The following TBC1D4 variants were observed in gnomAD, a reference collection of about 807,000 sequenced individuals.
TBC1D4 encodes TBC (Tre-2, BUB2, CDC16) domain-containing protein.
A neutral mutation model predicts 142.5 loss-of-function variants in TBC1D4; 121 were observed. The observed-to-expected ratio is 0.85, with a 90% CI of 0.73 to 0.99. The LOEUF is 0.99. TBC1D4 is among the 50% of genes least tolerant of loss of function. TBC1D4 has a pLI of 0.00. For synonymous variants in TBC1D4, 630 were observed against 628.2 expected (o/e 1.00, Z -0.04); for missense variants, 1,475 against 1,606.6 (o/e 0.92, Z 1.40).
chr13:75,328,689 AAC>A (rs1879482624), intron 8 of TBC1D4, among the ~76,000 whole-genome samples: 2 of 152,176 alleles, frequency 1.3e-5, no homozygotes, highest in South Asian at 4.1e-4. Flanking sequence ...AATGAGTGGA[AAC>A]ACCAGTCAGA....
chr13:75,458,572 A>G (rs1044429112), intron 1 of TBC1D4, among the ~76,000 whole-genome samples: 9 of 152,308 alleles, frequency 5.9e-5, no homozygotes, highest in Middle Eastern at 3.4e-3. Flanking sequence ...TCTTTTACCT[A>G]GTATTTCCCT....
intron 1 of TBC1D4, among the ~76,000 whole-genome samples, chr13:75,383,055 C>T (rs1883943855): frequency 6.6e-6 from 1 of 152,218 alleles, no homozygotes; most frequent in African/African-American, 2.4e-5. Flanking sequence ...AGCACAGAGG[C>T]TCACGCCCAT....
At chr13:75,321,361 T>G (rs1878762940) in intron 11 of TBC1D4, among the ~76,000 whole-genome samples, 1 of 152,066 alleles carries the variant, frequency 6.6e-6, no homozygotes, top group Admixed American at 6.6e-5. Flanking sequence ...CACCCTAAAG[T>G]ATTAAGAGTA....
Position 75,390,494 on chromosome 13 carries a change from A to T in TBC1D4, c.499-27887T>A, listed in dbSNP as rs144839273. ...GTGCTAATACTAATTTCTGACACTA[A>T]CAGACTGTTTCACTGACACCTTCAG... On this transcript the variant is annotated intron_variant, in intron 1 of 20. Transcript: ENST00000377636. Among the ~76,000 whole-genome samples the T allele has an allele frequency of 7.2e-5, 11 of 152,154 alleles. No individual in the cohort carries two copies. In the East Asian group the frequency reaches 1.9e-3, roughly 27 times the overall value.
chr13:75,283,576 T>A lies in TBC1D4; in HGVS notation c.*3216A>T, dbSNP rs1299217097. Among the ~76,000 whole-genome samples the A allele has an allele frequency of 1.3e-5, 2 of 152,196 alleles. No homozygotes were observed. Among genetic ancestry groups the A allele is most frequent in the African/African-American group, 2.4e-5 (1 of 41,460 alleles). On this transcript the variant is annotated 3_prime_UTR_variant, in exon 21 of 21. Transcript: ENST00000377636. Reference sequence around the variant, plus strand: ...CATATTTTATATAAAAACATTCATATCACATCCATCAGTAAATGTCCTTAA... The same window carrying A: ...CATATTTTATATAAAAACATTCATAACACATCCATCAGTAAATGTCCTTAA...
chr13:75,317,656 T>G (rs1012994073), intron 12 of TBC1D4, among the ~76,000 whole-genome samples: 18 of 152,368 alleles, frequency 1.2e-4, no homozygotes, highest in African/African-American at 4.1e-4. Flanking sequence ...ATAAAACTCC[T>G]TCCCAAGATA....
At chr13:75,351,919 A>C (rs530724318) in intron 4 of TBC1D4, among the ~76,000 whole-genome samples, 1 of 152,328 alleles carries the variant, frequency 6.6e-6, no homozygotes, top group African/African-American at 2.4e-5. Context: ...CATGTATTGA[A>C]GTGTTCTCCA....
intron 1 of TBC1D4, among the ~76,000 whole-genome samples, chr13:75,460,589 C>T (rs1291995492): frequency 6.6e-6 from 1 of 152,090 alleles, no homozygotes; most frequent in Non-Finnish European, 1.5e-5. Context: ...CGGTATGGAG[C>T]TTGAGCATTC....
chr13:75,472,122 A>G (rs4885296), intron 1 of TBC1D4, among the ~76,000 whole-genome samples: 15,306 of 99,324 alleles, frequency 0.15, 1,002 homozygotes, highest in Non-Finnish European at 0.22. Flanking sequence ...AAAAAAAAAA[A>G]AAAAGAAAAG....
Position 75,361,901 on chromosome 13 carries a change from A to T in TBC1D4, c.1080+125T>A, listed in dbSNP as rs1160934355. 3 of 1,181,802 alleles carry T rather than the reference A, an allele frequency of 2.5e-6. No homozygotes were observed. The Admixed American group carries it at 6.0e-5, about 24-fold the overall frequency. The allele number at this position is 1,181,802 out of a possible 1,614,324, so 73.2% of individuals were successfully genotyped here. ...CCTCCACCTGCCTTATCTGCTTTGA[A>T]GGGGAAAACAAATAAAAGTTAGATT... On this transcript the variant is annotated intron_variant, in intron 2 of 20. Coordinates refer to ENST00000377636, the MANE Select transcript of TBC1D4 (RefSeq NM_014832.5).
rs1400768070 is a variant in TBC1D4, at chr13:75,303,303, C to T, written c.2753-902G>A. On this transcript the variant is annotated intron_variant, in intron 15 of 20. Coordinates refer to ENST00000377636, the MANE Select transcript of TBC1D4 (RefSeq NM_014832.5). ...CTGCACTCCAGCCTGGGAGACACAG[C>T]GAGACTCTGTCTAAAAAAAAAAGAA... 9.9e-5 allele frequency among the ~76,000 whole-genome samples: 15 copies of T among 151,602 alleles called. No individual in the cohort carries two copies. In the East Asian group the frequency reaches 1.7e-3, roughly 18 times the overall value.
intron 1 of TBC1D4, among the ~76,000 whole-genome samples, chr13:75,457,898 G>A (rs370644404): frequency 3.3e-5 from 5 of 152,088 alleles, no homozygotes; most frequent in East Asian, 1.9e-4. Flanking sequence ...CCTGTTGCTC[G>A]CACAAACCCC....
At chr13:75,411,591 T>A (rs1031796279) in intron 1 of TBC1D4, among the ~76,000 whole-genome samples, 2 of 151,892 alleles carry the variant, frequency 1.3e-5, no homozygotes, top group Admixed American at 6.6e-5. Context: ...CGTGGTGTGA[T>A]CTCGGCTCAC....
rs1426438975 is a variant in TBC1D4 at position 75,362,363 on chromosome 13, G to A, written c.743C>T (p.Pro248Leu). The A allele has an allele frequency of 1.9e-6, 3 of 1,614,096 alleles. No homozygotes were observed. Among genetic ancestry groups the A allele is most frequent in the Non-Finnish European group, 2.5e-6 (3 of 1,180,046 alleles). Residue 248 changes from proline (P) to leucine (L), a missense_variant, in exon 2 of 21, where the codon CCA becomes CTA. Coordinates refer to ENST00000377636, the MANE Select transcript of TBC1D4 (RefSeq NM_014832.5). The surrounding 1 kb of genome is among the most constrained non-coding windows in gnomAD (Gnocchi z 4.2). ...CTCCAAGTCAGCCAGGTCCTCTCCTGGGTCCGGACCGCGCTGCTCCCCTTG... is the reference window on the plus strand; with the variant it reads ...CTCCAAGTCAGCCAGGTCCTCTCCTAGGTCCGGACCGCGCTGCTCCCCTTG... ...KIQGEQRGPD[P>L]GEDLADLEVV...
chr13:75,377,452 T>C (rs190756426), intron 1 of TBC1D4, among the ~76,000 whole-genome samples: 1 of 152,146 alleles, frequency 6.6e-6, no homozygotes, highest in African/African-American at 2.4e-5. Context: ...TTTTCTTTAA[T>C]GCAGGTTTCA....
chr13:75,428,633 C>T (rs1886473571), intron 1 of TBC1D4, among the ~76,000 whole-genome samples: 1 of 152,190 alleles, frequency 6.6e-6, no homozygotes, highest in African/African-American at 2.4e-5. Context: ...AATATAACAA[C>T]TGAGGAGCAA....
chr13:75,306,351 C>T lies in TBC1D4; in HGVS notation c.2714G>A (p.Arg905Lys), dbSNP rs747604452. The T allele has an allele frequency of 1.2e-4, 199 of 1,612,576 alleles. No individual in the cohort carries two copies. Among genetic ancestry groups the T allele is most frequent in the Non-Finnish European group, 1.7e-4 (195 of 1,179,750 alleles). Residue 905 changes from arginine (R) to lysine (K), a missense_variant, in exon 15 of 21, where the codon AGA becomes AAA. Arg to Lys is a conservative substitution (Grantham distance 26, BLOSUM62 2). Transcript: ENST00000377636. ...AGTATGAATATCTTCCATATCACAT[C>T]TGATTTTAGCTCTGCAGTTTAACAA... ...KKLLNCRAKI[R>K]CDMEDIHTLL...
chr13:75,419,634 C>A (rs1407441561), intron 1 of TBC1D4, among the ~76,000 whole-genome samples: 4 of 152,136 alleles, frequency 2.6e-5, no homozygotes, highest in East Asian at 1.9e-4. Context: ...AGGTTTATAA[C>A]AATTTACATT....
Position 75,286,630 on chromosome 13 carries a change from T to C in TBC1D4, c.*162A>G. 1 of 691,642 alleles carries C rather than the reference T, an allele frequency of 1.4e-6. No individual in the cohort carries two copies. The highest frequency in any genetic ancestry group is 2.5e-6 in the Non-Finnish European group (1 of 395,360). 42.8% of individuals were successfully genotyped at this position (691,642 alleles called of 1,614,324 possible). On this transcript the variant is annotated 3_prime_UTR_variant, in exon 21 of 21. Transcript: ENST00000377636. ...TATGTCCAATGGCTTAGGATTGGCA[T>C]GCTCTGATGAGCACGAGGTCCACCT...
Sources: gnomAD v4.1 joint callset for allele counts (sites outside exome capture counted in the v4.1 genomes callset) on GRCh38, gnomAD v4.1.1 for gene constraint, Gnocchi (gnomAD v3.1) non-coding constraint, MANE v1.5 for transcripts, NCBI Gene and HGNC (gene_info 2026-07-23, HGNC 2026-07-21) for gene names.